The following INPP4B variants were observed in gnomAD, a reference collection of about 807,000 sequenced individuals.
INPP4B encodes inositol polyphosphate 4-phosphatase type II.
INPP4B carries 55 observed loss-of-function variants against 122.5 expected under a neutral mutation model. The observed-to-expected ratio is 0.45, with a 90% CI of 0.36 to 0.56. The LOEUF is 0.56. Among genes scored for constraint, INPP4B ranks in the 20% least tolerant of loss-of-function variants. The pLI is 0.00. For missense variants in INPP4B, 1,000 were observed against 1,097.7 expected (o/e 0.91, Z 1.26); for synonymous variants, 403 against 388.7 (o/e 1.04, Z -0.43).
chr4:142,201,429 G>A (rs77624448), intron 14 of INPP4B, among the ~76,000 whole-genome samples: 4,543 of 152,148 alleles, frequency 0.03, 214 homozygotes, highest in African/African-American at 0.1. Context: ...ATATTTTGCA[G>A]TTGTCATTTC....
Position 142,281,015 on chromosome 4 carries a change from A to G in INPP4B, c.504-10241T>C, listed in dbSNP as rs545534951. ...ATATTTACCAAGCCAGTGATGCATA[A>G]ATCAGCTGGCCACCTATCATCTAAA... is the stretch of plus-strand genomic sequence containing the variant. On this transcript the variant is annotated intron_variant, in intron 9 of 25. Coordinates refer to ENST00000262992, the MANE Select transcript of INPP4B (RefSeq NM_001101669.3). Among the ~76,000 whole-genome samples the G allele has an allele frequency of 3.0e-4, 45 of 152,130 alleles. 2 individuals are homozygous for G. In the South Asian group the frequency reaches 8.3e-3, roughly 28 times the overall value.
intron 11 of INPP4B, among the ~76,000 whole-genome samples, chr4:142,245,719 T>C (rs1727676285): frequency 6.6e-6 from 1 of 151,878 alleles, no homozygotes; most frequent in African/African-American, 2.4e-5. Context: ...TGGTTCTAGA[T>C]GTGTGGCGTT....
At chr4:142,211,880 T>C (rs2149566929) in intron 12 of INPP4B, among the ~76,000 whole-genome samples, 1 of 152,290 alleles carries the variant, frequency 6.6e-6, no homozygotes, top group African/African-American at 2.4e-5. Flanking sequence ...CTGTGAATCC[T>C]TCCATGGCAG....
At chr4:142,277,103 T>A (rs766536432) in intron 9 of INPP4B, among the ~76,000 whole-genome samples, 1 of 152,020 alleles carries the variant, frequency 6.6e-6, no homozygotes, top group African/African-American at 2.4e-5. Flanking sequence ...TTTTTTTATA[T>A]GTTTGTTAGT....
chr4:142,483,935 T>G (rs966345013), intron 2 of INPP4B, among the ~76,000 whole-genome samples: 4 of 151,876 alleles, frequency 2.6e-5, no homozygotes, highest in Admixed American at 1.3e-4. Context: ...GAGAGAGAAG[T>G]TGGTAAGAGC....
At chr4:142,072,342 G>A (rs1369615373) in intron 25 of INPP4B, among the ~76,000 whole-genome samples, 1 of 151,856 alleles carries the variant, frequency 6.6e-6, no homozygotes, top group Non-Finnish European at 1.5e-5. Flanking sequence ...GTCATGGGGT[G>A]AGGGGAGGTG....
At position 142,028,739 on chromosome 4, in the gene INPP4B, C is replaced by T. The variant is rs2152254058; in HGVS notation, c.*43G>A. 6.4e-7 allele frequency: 1 copy of T among 1,568,656 alleles called. No individual in the cohort carries two copies. Among genetic ancestry groups the T allele is most frequent in the Non-Finnish European group, 8.6e-7 (1 of 1,157,362 alleles). ...AAAGACCAAGGTGAAGATTATCCAA[C>T]TGAAATGTATTTGTGTTCCTGTTTA... On this transcript the variant is annotated 3_prime_UTR_variant, in exon 26 of 26. Transcript: ENST00000262992.
intron 2 of INPP4B, among the ~76,000 whole-genome samples, chr4:142,491,372 G>C (rs1023587774): frequency 6.6e-6 from 1 of 152,132 alleles, no homozygotes; most frequent in Non-Finnish European, 1.5e-5. Flanking sequence ...CCAAAACACA[G>C]GCAACTAAAG....
chr4:142,238,987 A>G (rs938172645), intron 11 of INPP4B, among the ~76,000 whole-genome samples: 1 of 152,126 alleles, frequency 6.6e-6, no homozygotes, highest in African/African-American at 2.4e-5. Context: ...AATTAAAAAT[A>G]TCAGTTGATA....
chr4:142,728,882 T>G (rs140531710), intron 1 of INPP4B, among the ~76,000 whole-genome samples: 2 of 152,276 alleles, frequency 1.3e-5, no homozygotes, highest in East Asian at 3.9e-4. Flanking sequence ...TCAAAGAAAC[T>G]AATAACACAT....
At chr4:142,645,926 T>C (rs1029224167) in intron 2 of INPP4B, among the ~76,000 whole-genome samples, 3 of 152,140 alleles carry the variant, frequency 2.0e-5, no homozygotes, top group Non-Finnish European at 2.9e-5. Flanking sequence ...CACATTTTCA[T>C]AGGCTGGGAC....
At chr4:142,071,882 A>G (rs945130010) in intron 25 of INPP4B, among the ~76,000 whole-genome samples, 5 of 152,124 alleles carry the variant, frequency 3.3e-5, no homozygotes, top group African/African-American at 1.2e-4. Context: ...CCTTTACACT[A>G]TTGGTGGGAC....
At chr4:142,824,689 C>A (rs1041669671) in intron 1 of INPP4B, among the ~76,000 whole-genome samples, 8 of 152,022 alleles carry the variant, frequency 5.3e-5, no homozygotes, top group African/African-American at 1.9e-4. Context: ...TTCCCCATTT[C>A]TTTATTCAGA....
At position 142,412,396 on chromosome 4, in the gene INPP4B, C is replaced by G. The variant is rs185260836; in HGVS notation, c.137-7072G>C. Among the ~76,000 whole-genome samples, 5 of 152,120 alleles carry G rather than the reference C, an allele frequency of 3.3e-5. No homozygotes were observed. In the East Asian group the frequency reaches 9.7e-4, roughly 29 times the overall value. ...ATTTTAAGACAGCAATTTTCTGAAG[C>G]CTAGGATGTCAACCTCTCCAGCTCA... is the stretch of plus-strand genomic sequence containing the variant. On this transcript the variant is annotated intron_variant, in intron 5 of 25. Transcript: ENST00000262992.
chr4:142,150,327 A>G (rs999433893), intron 17 of INPP4B, among the ~76,000 whole-genome samples: 6 of 152,208 alleles, frequency 3.9e-5, no homozygotes, highest in African/African-American at 1.4e-4. Context: ...GATCCTGCTT[A>G]GCTCCCTGCC....
At chr4:142,597,340 C>T (rs1227641389) in intron 2 of INPP4B, among the ~76,000 whole-genome samples, 1 of 152,186 alleles carries the variant, frequency 6.6e-6, no homozygotes, top group South Asian at 2.1e-4. Context: ...TGTGGATCAA[C>T]GGTGACACCA....
At chr4:142,193,534 T>C (rs1836887760) in intron 14 of INPP4B, among the ~76,000 whole-genome samples, 1 of 152,192 alleles carries the variant, frequency 6.6e-6, no homozygotes, top group Non-Finnish European at 1.5e-5. Context: ...CATTGAGTTT[T>C]GCATCATTTA....
At chr4:142,721,503 G>A (rs1764674130) in intron 2 of INPP4B, among the ~76,000 whole-genome samples, 2 of 152,074 alleles carry the variant, frequency 1.3e-5, no homozygotes, top group African/African-American at 4.8e-5. Flanking sequence ...TTAGTTGATT[G>A]GAATTTAGAT....
rs147067301 is a variant in INPP4B, at chr4:142,739,285, T to C, written c.-253-13384A>G. Among the ~76,000 whole-genome samples, 377 of 152,172 alleles carry C rather than the reference T, an allele frequency of 2.5e-3. 5 individuals are homozygous for C. Among genetic ancestry groups the C allele is most frequent in the East Asian group, 0.018 (95 of 5,178 alleles). On this transcript the variant is annotated intron_variant, in intron 1 of 25. Coordinates refer to ENST00000262992, the MANE Select transcript of INPP4B (RefSeq NM_001101669.3). ...TATGAAATTTCTTTATCACTTTATC[T>C]TTTTGCATTGGTTCTTGAATGATAT...
Sources: gnomAD v4.1 joint callset for allele counts (sites outside exome capture counted in the v4.1 genomes callset) on GRCh38, gnomAD v4.1.1 for gene constraint, MANE v1.5 for transcripts, NCBI Gene and HGNC (gene_info 2026-07-23, HGNC 2026-07-21) for gene names.